Variants in SNX18 observed in about 807,000 individuals in gnomAD.
SNX18 encodes the protein sorting nexin 18.
SNX18 carries 35 observed loss-of-function variants against 48.7 expected under a neutral mutation model. The observed-to-expected ratio is 0.72, with a 90% CI of 0.55 to 0.95. SNX18 has a LOEUF of 0.95. SNX18 is among the 40% of genes least tolerant of loss of function. SNX18 has a pLI of 0.00. For missense variants in SNX18, 824 were observed against 871.0 expected (o/e 0.95, Z 0.68); for synonymous variants, 492 against 384.7 (o/e 1.28, Z -3.26).
chr5:54,604,541 T>C, the SNX18 span, among the ~76,000 whole-genome samples: 1 of 152,166 alleles, frequency 6.6e-6, no homozygotes, highest in Non-Finnish European at 1.5e-5. Flanking sequence ...GTCATTCCAC[T>C]GATATGAGGT....
chr5:54,543,398 T>C lies in SNX18; in HGVS notation c.1841T>C (p.Leu614Ser). 6.2e-7 allele frequency: 1 copy of C among 1,614,200 alleles called. No homozygotes were observed. The highest frequency in any genetic ancestry group is 8.5e-7 in the Non-Finnish European group (1 of 1,180,024). Residue 614 changes from leucine (L) to serine (S), a missense_variant, in exon 2 of 2, where the codon TTG becomes TCG. By Grantham distance (145) the Leu-to-Ser change is moderately radical. Around this residue, in one of 3 missense-constraint regions of SNX18, gnomAD observed 443 missense variants for 503.6 expected, o/e 0.88. Transcript: ENST00000381410. ...IIFFQKVTQK[L>S]EEALHKYDSV ...TTTTTCCAAAAAGTTACCCAGAAGT[T>C]GGAAGAAGCTCTTCACAAATATGAT... is the stretch of plus-strand genomic sequence containing the variant.
the SNX18 span, among the ~76,000 whole-genome samples, chr5:54,614,754 GT>G: frequency 1.3e-5 from 2 of 152,180 alleles, no homozygotes; most frequent in Admixed American, 1.3e-4. Context: ...GGAGGTGGAA[GT>G]TGCAGTGAGC....
chr5:54,528,931 A>T (rs1231307580), intron 1 of SNX18, among the ~76,000 whole-genome samples: 2 of 152,104 alleles, frequency 1.3e-5, no homozygotes, highest in African/African-American at 2.4e-5. Flanking sequence ...TGTGAATCGG[A>T]ATGTCTGTGC....
At chr5:54,533,473 G>T (rs1422313457) in intron 1 of SNX18, among the ~76,000 whole-genome samples, 5 of 152,202 alleles carry the variant, frequency 3.3e-5, no homozygotes, top group African/African-American at 1.2e-4. Context: ...CTGGTGTAGT[G>T]TGCTGTGCTT....
At chr5:54,626,701 A>G in the SNX18 span, among the ~76,000 whole-genome samples, 6 of 152,228 alleles carry the variant, frequency 3.9e-5, no homozygotes, top group Admixed American at 2.6e-4. Flanking sequence ...GAGGCCAGGT[A>G]ACCCTCTACA....
chr5:54,540,694 C>T (rs980603556), intron 1 of SNX18, among the ~76,000 whole-genome samples: 1 of 151,834 alleles, frequency 6.6e-6, no homozygotes, highest in Non-Finnish European at 1.5e-5. Context: ...ACTCTGTTCT[C>T]TATGATGAAA....
intron 1 of SNX18, chr5:54,520,770 A>G (rs1038066270): frequency 1.2e-5 from 2 of 166,998 alleles, no homozygotes; most frequent in Non-Finnish European, 2.9e-5. Context: ...TCCCCTTCCA[A>G]ATGCGTGACT....
chr5:54,552,368 C>T, the SNX18 span, among the ~76,000 whole-genome samples: 3 of 152,192 alleles, frequency 2.0e-5, no homozygotes, highest in Admixed American at 1.3e-4. Flanking sequence ...CCAAGGAATT[C>T]ACCACCATCA....
chr5:54,561,779 T>C, the SNX18 span, among the ~76,000 whole-genome samples: 4 of 152,242 alleles, frequency 2.6e-5, no homozygotes, highest in Non-Finnish European at 5.9e-5. Context: ...GTAGAAATAA[T>C]GGCCTTGAGA....
chr5:54,553,397 G>T, the SNX18 span, among the ~76,000 whole-genome samples: 1 of 151,944 alleles, frequency 6.6e-6, no homozygotes, highest in African/African-American at 2.4e-5. Context: ...CAACAGGTCG[G>T]GGAGCTGATG....
the SNX18 span, among the ~76,000 whole-genome samples, chr5:54,570,125 C>T: frequency 2.0e-5 from 3 of 152,172 alleles, no homozygotes; most frequent in African/African-American, 7.2e-5. Flanking sequence ...AATCTAATGA[C>T]TGGTGTCCTT....
At chr5:54,529,695 G>T (rs1762219574) in intron 1 of SNX18, among the ~76,000 whole-genome samples, 2 of 152,054 alleles carry the variant, frequency 1.3e-5, no homozygotes, top group Admixed American at 6.5e-5. Context: ...GAGTGGGTAT[G>T]ACAGCAGTGT....
At chr5:54,548,142 C>G (rs1762603424), downstream of SNX18, among the ~76,000 whole-genome samples, 1 of 152,210 alleles carries the variant, frequency 6.6e-6, no homozygotes, top group African/African-American at 2.4e-5. Context: ...ATGTCTCAAT[C>G]CTAACATCCC....
Position 54,519,170 on chromosome 5 carries a change from C to G in SNX18, c.1218C>G (p.Asn406Lys). 1 of 1,613,770 alleles carries G rather than the reference C, an allele frequency of 6.2e-7. No individual in the cohort carries two copies. Among genetic ancestry groups the G allele is most frequent in the Non-Finnish European group, 8.5e-7 (1 of 1,179,800 alleles). ...AGAAGGACGAGATGGTGGGCGCCAA[C>G]TTCTTCCTGACCCTTAGCACGCCCC... ...KAEKDEMVGA[N>K]FFLTLSTPPA... Residue 406 changes from asparagine (N) to lysine (K), a missense_variant, in exon 1 of 2, where the codon AAC becomes AAG. Physicochemically the swap from Asn to Lys is moderately conservative, Grantham distance 94. Around this residue, in one of 3 missense-constraint regions of SNX18, gnomAD observed 443 missense variants for 503.6 expected, o/e 0.88. Transcript: ENST00000381410.
chr5:54,558,094 A>G, the SNX18 span, among the ~76,000 whole-genome samples: 1 of 152,168 alleles, frequency 6.6e-6, no homozygotes, highest in Non-Finnish European at 1.5e-5. Flanking sequence ...CCTATTTTGC[A>G]GGTAAAAAAG....
At chr5:54,534,997 G>A (rs1353054712) in intron 1 of SNX18, among the ~76,000 whole-genome samples, 7 of 152,234 alleles carry the variant, frequency 4.6e-5, no homozygotes, top group East Asian at 3.9e-4. Context: ...TGAACATGGT[G>A]CTGATTTCTA....
At chr5:54,585,779 G>A in the SNX18 span, among the ~76,000 whole-genome samples, 19 of 152,088 alleles carry the variant, frequency 1.2e-4, no homozygotes, top group South Asian at 4.2e-4. Flanking sequence ...CGAGGCGGGC[G>A]GATCACGAGG....
At chr5:54,627,377 G>C in the SNX18 span, among the ~76,000 whole-genome samples, 1 of 151,968 alleles carries the variant, frequency 6.6e-6, no homozygotes, top group Non-Finnish European at 1.5e-5. Flanking sequence ...CCTTTCCTGG[G>C]GATATGTTTT....
At chr5:54,563,418 AT>A in the SNX18 span, among the ~76,000 whole-genome samples, 1 of 152,166 alleles carries the variant, frequency 6.6e-6, no homozygotes, top group Non-Finnish European at 1.5e-5. Context: ...TACAAATACC[AT>A]TGTGTTACAG....
Sources: gnomAD v4.1 joint callset for allele counts (sites outside exome capture counted in the v4.1 genomes callset) on GRCh38, gnomAD v4.1.1 for gene constraint, gnomAD v4.1.1 regional missense constraint, MANE v1.5 for transcripts, NCBI Gene and HGNC (gene_info 2026-07-23, HGNC 2026-07-21) for gene names.